The following HTR4 variants were observed in gnomAD, a reference collection of about 807,000 sequenced individuals.
The protein encoded by HTR4 is 5-hydroxytryptamine (serotonin) receptor 4, G protein-coupled.
A neutral mutation model predicts 36.8 loss-of-function variants in HTR4; 16 were observed. That is an observed-to-expected ratio of 0.43 (90% CI 0.29 to 0.66). The LOEUF (loss-of-function observed/expected upper bound fraction) is 0.66, where lower values mean the gene tolerates loss of function less well. Among genes scored for constraint, HTR4 ranks in the 30% least tolerant of loss-of-function variants. The probability of loss-of-function intolerance (pLI) is 0.13; values close to 1 mark genes in which losing one functional copy is unlikely to be tolerated. For synonymous variants in HTR4, 189 were observed against 185.1 expected, an observed-to-expected ratio of 1.02 and a Z score of -0.17; for missense variants, 438 against 490.9, an observed-to-expected ratio of 0.89 and a Z score of 1.02.
At chr5:148,463,165 C>CTTTTTTTTTTTTTTTTTTT (rs71001490) in intron 5 of HTR4, among the ~76,000 whole-genome samples, 8 of 64,152 alleles carry the variant, frequency 1.2e-4, no homozygotes, top group South Asian at 7.7e-4. Context: ...CTTTTTTTTT[C>CTTTTTTTTTTTTTTTTTTT]TTTTTTTTTT....
At chr5:148,582,402 T>C (rs1761171072) in intron 2 of HTR4, among the ~76,000 whole-genome samples, 1 of 152,008 alleles carries the variant, frequency 6.6e-6, no homozygotes, top group African/African-American at 2.4e-5. Flanking sequence ...ATTACCCTGA[T>C]ATTGAGCATA....
chr5:148,506,044 A>G (rs900406031), intron 6 of HTR4, among the ~76,000 whole-genome samples: 10 of 152,168 alleles, frequency 6.6e-5, no homozygotes, highest in Admixed American at 5.9e-4. Context: ...ATATGGAACC[A>G]AAAAAGAGCC....
chr5:148,482,945 C>T lies in HTR4; in HGVS notation c.*258G>A. ...CATGTCAGAGACACCAGAGACCACG[C>T]GGCAAAAGCAGAGAATCTGGGAAGA... On this transcript the variant is annotated 3_prime_UTR_variant, in exon 7 of 7. Coordinates refer to ENST00000377888, the MANE Select transcript of HTR4 (RefSeq NM_000870.7). 7.4e-7 allele frequency: 1 copy of T among 1,358,800 alleles called. No homozygotes were observed. Among genetic ancestry groups the T allele is most frequent in the East Asian group, 2.9e-5 (1 of 33,988 alleles). 84.2% of individuals were successfully genotyped at this position (1,358,800 alleles called of 1,614,324 possible).
At chr5:148,574,423 C>A (rs143640884) in intron 2 of HTR4, among the ~76,000 whole-genome samples, 1 of 151,996 alleles carries the variant, frequency 6.6e-6, no homozygotes, top group South Asian at 2.1e-4. Flanking sequence ...CACACACACA[C>A]GTGACAGATT....
chr5:148,654,425 C>T lies in HTR4; in HGVS notation c.-411G>A. On this transcript the variant is annotated 5_prime_UTR_variant, in exon 1 of 7. Coordinates refer to ENST00000377888, the MANE Select transcript of HTR4 (RefSeq NM_000870.7). ...AGGGACAGCGGGGGTGCCGCTCTGCCGGCAGGGCGCACAGGGGAGTGGGCA... is the reference window on the plus strand; with the variant it reads ...AGGGACAGCGGGGGTGCCGCTCTGCTGGCAGGGCGCACAGGGGAGTGGGCA... 1 of 985,486 alleles carries T rather than the reference C, an allele frequency of 1.0e-6. No individual in the cohort carries two copies. Among genetic ancestry groups the T allele is most frequent in the Non-Finnish European group, 1.2e-6 (1 of 829,988 alleles). 61.0% of individuals were successfully genotyped at this position (985,486 alleles called of 1,614,324 possible).
At chr5:148,515,448 G>T (rs943573614) in intron 5 of HTR4, among the ~76,000 whole-genome samples, 11 of 152,014 alleles carry the variant, frequency 7.2e-5, no homozygotes, top group African/African-American at 2.7e-4. Flanking sequence ...CTGCATTATG[G>T]TGTTTCAATC....
intron 5 of HTR4, among the ~76,000 whole-genome samples, chr5:148,522,038 C>T (rs901836349): frequency 1.2e-4 from 18 of 152,054 alleles, no homozygotes; most frequent in Non-Finnish European, 1.5e-5. Context: ...GGTGGTTTCC[C>T]CCATACTTTT....
At chr5:148,581,118 T>A (rs769676144) in intron 2 of HTR4, among the ~76,000 whole-genome samples, 24 of 152,014 alleles carry the variant, frequency 1.6e-4, no homozygotes, top group Non-Finnish European at 2.8e-4. Context: ...AGTAAGCATC[T>A]CTTTTGTTTG....
chr5:148,554,648 C>T (rs1196177577), intron 2 of HTR4, among the ~76,000 whole-genome samples: 1 of 152,128 alleles, frequency 6.6e-6, no homozygotes, highest in Non-Finnish European at 1.5e-5. Flanking sequence ...TGGTTGCACA[C>T]CACTGTGAAT....
chr5:148,485,780 G>A (rs1049971183), intron 6 of HTR4, among the ~76,000 whole-genome samples: 3 of 152,342 alleles, frequency 2.0e-5, no homozygotes, highest in African/African-American at 7.2e-5. Flanking sequence ...AGAATGAGGG[G>A]TGAGGATAAA....
chr5:148,499,777 A>T (rs1272021223), intron 6 of HTR4, among the ~76,000 whole-genome samples: 1 of 152,204 alleles, frequency 6.6e-6, no homozygotes, highest in African/African-American at 2.4e-5. Flanking sequence ...TGGAGGCCAC[A>T]TGAATGGCTT....
At chr5:148,493,587 A>G (rs1024413479) in intron 6 of HTR4, among the ~76,000 whole-genome samples, 3 of 152,248 alleles carry the variant, frequency 2.0e-5, no homozygotes, top group African/African-American at 7.2e-5. Context: ...GATGAATGAT[A>G]AATTGGTGCT....
intron 2 of HTR4, among the ~76,000 whole-genome samples, chr5:148,630,703 G>A (rs1247246464): frequency 6.6e-6 from 1 of 151,992 alleles, no homozygotes; most frequent in Non-Finnish European, 1.5e-5. Context: ...CATGATACTC[G>A]TGATGACTAA....
At chr5:148,559,843 A>G (rs1385889569) in intron 2 of HTR4, among the ~76,000 whole-genome samples, 1 of 152,014 alleles carries the variant, frequency 6.6e-6, no homozygotes, top group Non-Finnish European at 1.5e-5. Flanking sequence ...ACAACCTCCA[A>G]TCAGAAGATA....
At chr5:148,542,859 C>T (rs1759189132) in intron 4 of HTR4, among the ~76,000 whole-genome samples, 2 of 152,094 alleles carry the variant, frequency 1.3e-5, no homozygotes, top group Admixed American at 1.3e-4. Flanking sequence ...GTCTGGCCAG[C>T]CTAAGGGGAA....
At chr5:148,574,069 A>G (rs751739983) in intron 2 of HTR4, among the ~76,000 whole-genome samples, 13 of 152,106 alleles carry the variant, frequency 8.5e-5, no homozygotes, top group Admixed American at 4.6e-4. Context: ...TTATAGTCCC[A>G]TCATTGCTCC....
chr5:148,564,916 C>A lies in HTR4; in HGVS notation c.27-14654G>T, dbSNP rs769960785. 3.3e-5 allele frequency among the ~76,000 whole-genome samples: 5 copies of A among 151,982 alleles called. No homozygotes were observed. In the East Asian group the frequency reaches 7.8e-4, roughly 24 times the overall value. On this transcript the variant is annotated intron_variant, in intron 2 of 6. Transcript: ENST00000377888. Reference sequence around the variant, plus strand: ...CATAAGGTCAGGAGTTCGAGACCAGCCTGGCCAGTATGGTGAAACCCTGTC... The same window carrying A: ...CATAAGGTCAGGAGTTCGAGACCAGACTGGCCAGTATGGTGAAACCCTGTC...
At chr5:148,535,030 G>C (rs1242056197) in intron 4 of HTR4, among the ~76,000 whole-genome samples, 3 of 152,030 alleles carry the variant, frequency 2.0e-5, no homozygotes, top group African/African-American at 7.2e-5. Flanking sequence ...GAGGAAACAG[G>C]GGAGCCACAC....
At chr5:148,566,592 G>A (rs1156356718) in intron 2 of HTR4, among the ~76,000 whole-genome samples, 1 of 152,126 alleles carries the variant, frequency 6.6e-6, no homozygotes, top group Non-Finnish European at 1.5e-5. Context: ...CCCAGCTTGA[G>A]GAGCTCACAG....
Sources: allele counts gnomAD v4.1 joint callset (sites outside exome capture counted in the v4.1 genomes callset), GRCh38; gene constraint gnomAD v4.1.1; transcripts MANE v1.5; gene names NCBI Gene and HGNC (gene_info 2026-07-23, HGNC 2026-07-21).